KDM7A: variants seen among roughly 807,000 people sequenced by gnomAD.
KDM7A encodes lysine-specific demethylase 7A.
A neutral mutation model predicts 114.8 loss-of-function variants in KDM7A; 28 were observed. The observed-to-expected ratio is 0.24, with a 90% CI of 0.18 to 0.33. The LOEUF is 0.33. KDM7A is among the 10% of genes least tolerant of loss of function. The probability of loss-of-function intolerance (pLI) is 1.00; values close to 1 mark genes in which losing one functional copy is unlikely to be tolerated. For missense variants in KDM7A, 942 were observed against 1,142.5 expected (o/e 0.82, Z 2.53); for synonymous variants, 423 against 397.8 (o/e 1.06, Z -0.75).
chr7:140,116,291 T>C (rs1231260122), intron 9 of KDM7A, among the ~76,000 whole-genome samples: 1 of 152,024 alleles, frequency 6.6e-6, no homozygotes, highest in South Asian at 2.1e-4. Flanking sequence ...AGTATATTCA[T>C]ACAACAGAAT....
intron 3 of KDM7A, among the ~76,000 whole-genome samples, chr7:140,129,872 T>C (rs1017806864): frequency 1.3e-5 from 2 of 152,124 alleles, no homozygotes; most frequent in African/African-American, 2.4e-5. Context: ...TCAATACATA[T>C]AATTAGAAAT....
chr7:140,096,037 T>C lies in KDM7A; in HGVS notation c.2374+518A>G, dbSNP rs371106380. ...TTCTCCCCGGTCCTCCTCAGGCTTT[T>C]TGGGATACAAACATTTTCTCTAAAG... On this transcript the variant is annotated intron_variant, in intron 17 of 19. Coordinates refer to ENST00000397560, the MANE Select transcript of KDM7A (RefSeq NM_030647.2). 2.6e-5 allele frequency among the ~76,000 whole-genome samples: 4 copies of C among 152,304 alleles called. No homozygotes were observed. In the East Asian group the frequency reaches 5.8e-4, roughly 22 times the overall value.
chr7:140,130,851 CTTTTTTTTTTT>C (rs574245274), intron 3 of KDM7A, among the ~76,000 whole-genome samples: 1 of 97,240 alleles, frequency 1.0e-5, no homozygotes, highest in African/African-American at 4.2e-5. Flanking sequence ...TTTAATAAGT[CTTTTTTTTTTT>C]TTTTTTTTTG....
chr7:140,092,418 G>A (rs1203552574), intron 18 of KDM7A, among the ~76,000 whole-genome samples: 1 of 152,152 alleles, frequency 6.6e-6, no homozygotes, highest in Non-Finnish European at 1.5e-5. Context: ...CCACTTCCCT[G>A]GCAAGTCACA....
At chr7:140,170,096 G>A (rs1794621829) in intron 1 of KDM7A, among the ~76,000 whole-genome samples, 1 of 151,996 alleles carries the variant, frequency 6.6e-6, no homozygotes, top group African/African-American at 2.4e-5. Context: ...AATCATGAAG[G>A]TGAAATGTAT....
intron 16 of KDM7A, 47 bp downstream of exon 16, chr7:140,096,852 T>G: frequency 6.3e-7 from 1 of 1,595,758 alleles, no homozygotes; most frequent in Non-Finnish European, 8.6e-7. Context: ...GTGTTCATAG[T>G]ATTTACCTTA....
chr7:140,158,758 C>G (rs1794486183), intron 1 of KDM7A, among the ~76,000 whole-genome samples: 1 of 152,154 alleles, frequency 6.6e-6, no homozygotes, highest in Admixed American at 6.5e-5. Flanking sequence ...GGTAGCAAAG[C>G]AGAAGGAAAA....
At chr7:140,130,186 G>A (rs1818763088) in intron 3 of KDM7A, among the ~76,000 whole-genome samples, 1 of 152,122 alleles carries the variant, frequency 6.6e-6, no homozygotes, top group Non-Finnish European at 1.5e-5. Context: ...AACTACACTA[G>A]AAGACATCAT....
At chr7:140,162,823 A>T (rs1241269070) in intron 1 of KDM7A, among the ~76,000 whole-genome samples, 1 of 152,206 alleles carries the variant, frequency 6.6e-6, no homozygotes, top group Non-Finnish European at 1.5e-5. Context: ...CAAAAGAGAA[A>T]CCAACTCAAG....
At chr7:140,110,011 C>G (rs999523850) in intron 11 of KDM7A, among the ~76,000 whole-genome samples, 22 of 152,156 alleles carry the variant, frequency 1.4e-4, no homozygotes, top group Non-Finnish European at 2.5e-4. Flanking sequence ...CAGGTCATAA[C>G]AAATATGGAT....
intron 1 of KDM7A, among the ~76,000 whole-genome samples, chr7:140,171,537 ATATT>A: frequency 7.0e-6 from 1 of 142,600 alleles, no homozygotes; most frequent in East Asian, 2.0e-4. Context: ...ATTTATTTAT[ATATT>A]TATAAATATA....
At chr7:140,108,746 C>T (rs959437527) in intron 11 of KDM7A, among the ~76,000 whole-genome samples, 8 of 152,200 alleles carry the variant, frequency 5.3e-5, no homozygotes, top group Admixed American at 3.9e-4. Context: ...GCAGTCTGTC[C>T]GTTCTCAGAT....
chr7:140,146,964 C>G (rs903928536), intron 1 of KDM7A, among the ~76,000 whole-genome samples: 4 of 152,168 alleles, frequency 2.6e-5, no homozygotes, highest in African/African-American at 9.7e-5. Context: ...TCAGATCTTA[C>G]TGTCCGTGGA....
rs1585175478 is a variant in KDM7A, at chr7:140,176,983, T to A, written c.-46A>T. The A allele has an allele frequency of 1.8e-6, 2 of 1,081,972 alleles. No individual in the cohort carries two copies. Among genetic ancestry groups the A allele is most frequent in the African/African-American group, 1.7e-5 (1 of 58,930 alleles). 67.0% of individuals were successfully genotyped at this position (1,081,972 alleles called of 1,614,324 possible). Reference sequence around the variant, plus strand: ...CTCGCTCGCTACTCCGCTCGCCGACTGGAGCGAGCGCAGCCGCCAGCCAGC... The same window carrying A: ...CTCGCTCGCTACTCCGCTCGCCGACAGGAGCGAGCGCAGCCGCCAGCCAGC... On this transcript the variant is annotated 5_prime_UTR_variant, in exon 1 of 20. Coordinates refer to ENST00000397560, the MANE Select transcript of KDM7A (RefSeq NM_030647.2). The surrounding 1 kb of genome is among the most constrained non-coding windows in gnomAD (Gnocchi z 4.4).
intron 1 of KDM7A, among the ~76,000 whole-genome samples, chr7:140,140,392 T>C (rs542470402): frequency 1.8e-4 from 28 of 152,204 alleles, no homozygotes; most frequent in Non-Finnish European, 3.7e-4. Context: ...ACAAAACCTC[T>C]TAGCAAGCTT....
At chr7:140,100,723 T>C (rs185349336) in intron 12 of KDM7A, among the ~76,000 whole-genome samples, 1,388 of 59,232 alleles carry the variant, frequency 0.023, 33 homozygotes, top group Middle Eastern at 0.037. Flanking sequence ...TATATATATA[T>C]ATATATATAT....
chr7:140,148,098 C>T (rs1794358991), intron 1 of KDM7A, among the ~76,000 whole-genome samples: 2 of 152,066 alleles, frequency 1.3e-5, no homozygotes, highest in South Asian at 2.1e-4. Context: ...TAATCAACAG[C>T]GTATTAGCTA....
chr7:140,120,310 C>A, intron 8 of KDM7A, 132 bp downstream of exon 8: 1 of 535,606 alleles, frequency 1.9e-6, no homozygotes. Flanking sequence ...AGCTTCTATC[C>A]CTAATAATAT....
At position 140,100,136 on chromosome 7, in the gene KDM7A, G is replaced by C; in HGVS notation, c.1639-113C>G. The C allele has an allele frequency of 7.2e-6, 8 of 1,110,482 alleles. No individual in the cohort carries two copies. In the Admixed American group the frequency reaches 7.6e-5, roughly 11 times the overall value. The allele number at this position is 1,110,482 out of a possible 1,614,324, so 68.8% of individuals were successfully genotyped here. ...CATGGTCCTGCATCTCAAAGATACA[G>C]GCAGCCACCTGGGCTTGGGGATATG... On this transcript the variant is annotated intron_variant, in intron 12 of 19. Coordinates refer to ENST00000397560, the MANE Select transcript of KDM7A (RefSeq NM_030647.2).
Sources: gnomAD v4.1 joint callset for allele counts (sites outside exome capture counted in the v4.1 genomes callset) on GRCh38, gnomAD v4.1.1 for gene constraint, Gnocchi (gnomAD v3.1) non-coding constraint, MANE v1.5 for transcripts, NCBI Gene and HGNC (gene_info 2026-07-23, HGNC 2026-07-21) for gene names.